SECISBP2: variants seen among roughly 807,000 people sequenced by gnomAD.
SECISBP2 encodes the protein SECIS binding protein 2.
SECISBP2 carries 96 observed loss-of-function variants against 98.2 expected under a neutral mutation model. The ratio of observed to expected loss-of-function variants is 0.98; its 90% CI spans 0.83 to 1.16. The LOEUF (loss-of-function observed/expected upper bound fraction) is 1.16. SECISBP2 is among the 50% of genes most tolerant of loss of function. SECISBP2 has a pLI of 0.00. For synonymous variants in SECISBP2, 407 were observed against 370.2 expected (o/e 1.10, Z -1.14); for missense variants, 1,046 against 1,022.9 (o/e 1.02, Z -0.31).
At chr9:89,318,788 G>A (rs1037195058) in intron 1 of SECISBP2, 176 bp downstream of exon 1, 89 of 1,251,424 alleles carry the variant, frequency 7.1e-5, no homozygotes, top group Non-Finnish European at 6.0e-5. Flanking sequence ...GGTCCGCCTT[G>A]GGGTGGCGGT....
chr9:89,324,635 G>A (rs1826374582), intron 2 of SECISBP2: 1 of 151,656 alleles, frequency 6.6e-6, no homozygotes, highest in East Asian at 2.0e-4. Flanking sequence ...ACTAGGTTTG[G>A]ATTTTTTGCC....
chr9:89,326,536 G>A (rs1826735086), intron 4 of SECISBP2, among the ~76,000 whole-genome samples: 1 of 152,158 alleles, frequency 6.6e-6, no homozygotes, highest in South Asian at 2.1e-4. Flanking sequence ...AAATTCATTA[G>A]AGTCCCTTTA....
chr9:89,357,063 A>G, intron 14 of SECISBP2: 1 of 362,364 alleles, frequency 2.8e-6, no homozygotes, highest in Non-Finnish European at 5.3e-6. Flanking sequence ...AAGAAACTTA[A>G]CCTTTCTGTG....
At chr9:89,363,935 C>A, downstream of SECISBP2, 2 of 1,614,094 alleles carry the variant, frequency 1.2e-6, no homozygotes, top group Non-Finnish European at 8.5e-7. Context: ...CCAGACAAAG[C>A]GAATGTCTGC....
intron 14 of SECISBP2, among the ~76,000 whole-genome samples, chr9:89,351,134 G>T (rs1193498361): frequency 6.6e-6 from 1 of 152,198 alleles, no homozygotes; most frequent in East Asian, 1.9e-4. Flanking sequence ...TGTTGTGCAG[G>T]CCACTGCCCT....
intron 2 of SECISBP2, 66 bp downstream of exon 2, chr9:89,319,863 C>A: frequency 2.0e-6 from 3 of 1,535,662 alleles, no homozygotes; most frequent in Non-Finnish European, 2.7e-6. Context: ...ATTAGACTTT[C>A]AAATACTCAG....
At chr9:89,363,549 C>T, downstream of SECISBP2, 8 of 1,613,464 alleles carry the variant, frequency 5.0e-6, no homozygotes, top group Non-Finnish European at 6.8e-6. Context: ...GCAGGGTCCC[C>T]AGGTCAAAGC....
Position 89,358,794 on chromosome 9 carries a change from A to C in SECISBP2, c.2535A>C (p.Ser845=). The C allele has an allele frequency of 6.2e-7, 1 of 1,613,216 alleles. No individual in the cohort carries two copies. The highest frequency in any genetic ancestry group is 8.5e-7 in the Non-Finnish European group (1 of 1,179,138). The change falls in exon 17 of 17, where the codon TCA becomes TCC. Residue 845 remains serine (S), a synonymous_variant. Transcript: ENST00000375807. Reference sequence around the variant, plus strand: ...AGCTAGAAGAATCCTTGGAGGCTTCAACCTCTCAAATGATGAATTTGAATT... The same window carrying C: ...AGCTAGAAGAATCCTTGGAGGCTTCCACCTCTCAAATGATGAATTTGAATT... ...TLELEESLEA[S]TSQMMNLNL
At chr9:89,340,355 G>C (rs1028717130) in intron 9 of SECISBP2, among the ~76,000 whole-genome samples, 1 of 152,136 alleles carries the variant, frequency 6.6e-6, no homozygotes, top group Non-Finnish European at 1.5e-5. Context: ...GTTTTACTCT[G>C]TGAAGTCAAA....
intron 4 of SECISBP2, among the ~76,000 whole-genome samples, chr9:89,328,134 C>T (rs1268312458): frequency 1.3e-5 from 2 of 152,180 alleles, no homozygotes; most frequent in African/African-American, 2.4e-5. Flanking sequence ...GGAGTATATA[C>T]TCCAAAGATA....
chr9:89,328,660 A>G lies in SECISBP2; in HGVS notation c.575A>G (p.Asp192Gly), dbSNP rs765933864. 1.2e-6 allele frequency: 2 copies of G among 1,612,792 alleles called. No individual in the cohort carries two copies. The highest frequency in any genetic ancestry group is 1.7e-6 in the Non-Finnish European group (2 of 1,178,728). ...CTTACTTTTAATTTTGTAATTACAG[A>G]TGGTTACCATAAGCGAACAGACAGG... is the stretch of plus-strand genomic sequence containing the variant. ...SIYAENSLKSDGYHKRTDRKS... is the reference protein window; with the variant it reads ...SIYAENSLKSGGYHKRTDRKS... The change falls in exon 5 of 17, where the codon GAT (aspartate) becomes GGT (glycine). Residue 192 changes from aspartate (D) to glycine (G), a missense_variant and splice_region_variant. Coordinates refer to ENST00000375807, the MANE Select transcript of SECISBP2 (RefSeq NM_024077.5).
Position 89,358,786 on chromosome 9 carries a change from G to A in SECISBP2, c.2527G>A (p.Glu843Lys). The change falls in exon 17 of 17, where the codon GAG (glutamate) becomes AAG (lysine). Residue 843 changes from glutamate (E) to lysine (K), a missense_variant. Transcript: ENST00000375807. Reference protein sequence around the residue: ...GCTLELEESLEASTSQMMNLN... With the variant: ...GCTLELEESLKASTSQMMNLN... ...TACCCTGGAGCTAGAAGAATCCTTG[G>A]AGGCTTCAACCTCTCAAATGATGAA... The A allele has an allele frequency of 3.7e-6, 6 of 1,613,822 alleles. No homozygotes were observed. Among genetic ancestry groups the A allele is most frequent in the Non-Finnish European group, 5.1e-6 (6 of 1,179,694 alleles).
chr9:89,353,000 G>A (rs1306289546), intron 14 of SECISBP2, among the ~76,000 whole-genome samples: 1 of 138,810 alleles, frequency 7.2e-6, no homozygotes, highest in Non-Finnish European at 1.5e-5. Flanking sequence ...TGTCCTCTGT[G>A]TCCTAGTTGT....
intron 2 of SECISBP2, among the ~76,000 whole-genome samples, chr9:89,320,523 A>G (rs981465038): frequency 2.0e-5 from 3 of 152,152 alleles, no homozygotes; most frequent in Non-Finnish European, 4.4e-5. Context: ...AATCTTGTTG[A>G]GCGAAGGGGA....
At chr9:89,366,861 A>G in the SECISBP2 span, among the ~76,000 whole-genome samples, 4 of 152,136 alleles carry the variant, frequency 2.6e-5, no homozygotes, top group Admixed American at 6.5e-5. Context: ...AGGGGACTGG[A>G]GTCACTGAGT....
At chr9:89,346,826 A>G (rs1208941130) in intron 10 of SECISBP2, 56 bp from the exon 11 acceptor site, 1 of 1,609,502 alleles carries the variant, frequency 6.2e-7, no homozygotes, top group Non-Finnish European at 8.5e-7. Context: ...GCGATCCAAG[A>G]GCTGGGTGGG....
At chr9:89,363,892 G>A, downstream of SECISBP2, 2 of 1,614,120 alleles carry the variant, frequency 1.2e-6, no homozygotes, top group Non-Finnish European at 1.7e-6. Flanking sequence ...TCTGCACAGG[G>A]ACACAGGTCT....
chr9:89,365,685 C>A, the SECISBP2 span: 1 of 152,396 alleles, frequency 6.6e-6, no homozygotes, highest in Non-Finnish European at 1.5e-5. Context: ...AAAGTACCTG[C>A]ACACACAAAA....
intron 1 of SECISBP2, chr9:89,318,818 C>T: frequency 7.9e-7 from 1 of 1,272,262 alleles, no homozygotes; most frequent in Non-Finnish European, 1.0e-6. Context: ...CAGACCCCGC[C>T]CACAGTTAGC....
Sources: gnomAD v4.1 joint callset for allele counts (sites outside exome capture counted in the v4.1 genomes callset) on GRCh38, gnomAD v4.1.1 for gene constraint, MANE v1.5 for transcripts, NCBI Gene and HGNC (gene_info 2026-07-23, HGNC 2026-07-21) for gene names.